ELMO1: variants seen among roughly 807,000 people sequenced by gnomAD.
ELMO1 encodes engulfment and cell motility protein 1.
In ELMO1, 26 loss-of-function variants were observed where a neutral mutation model predicts 98.9. The ratio of observed to expected loss-of-function variants is 0.26; its 90% confidence interval spans 0.19 to 0.36. ELMO1 has a LOEUF of 0.36. Ranked by LOEUF, ELMO1 falls within the 10% of genes least tolerant of loss-of-function variation. The pLI is 1.00. For synonymous variants in ELMO1, 346 were observed against 346.0 expected (o/e 1.00, Z 0.00); for missense variants, 627 against 935.2 (o/e 0.67, Z 4.30).
intron 16 of ELMO1, among the ~76,000 whole-genome samples, chr7:37,006,574 G>C (rs1165971643): frequency 6.6e-6 from 1 of 152,178 alleles, no homozygotes; most frequent in Non-Finnish European, 1.5e-5. Context: ...ATCATCCTTA[G>C]GGAGGGCACA....
intron 16 of ELMO1, chr7:36,997,856 A>G (rs12531307): frequency 0.011 from 1,612 of 152,564 alleles, 42 homozygotes; most frequent in East Asian, 0.07. Flanking sequence ...ACACAAGTCA[A>G]TGCCTCAGAG....
intron 13 of ELMO1, among the ~76,000 whole-genome samples, chr7:37,189,040 C>T (rs1039982046): frequency 6.6e-6 from 1 of 152,142 alleles, no homozygotes; most frequent in African/African-American, 2.4e-5. Flanking sequence ...AGTGATTAAG[C>T]TGTAGGTGTA....
intron 16 of ELMO1, among the ~76,000 whole-genome samples, chr7:37,005,356 AC>A (rs1793001582): frequency 1.3e-5 from 2 of 151,660 alleles, no homozygotes; most frequent in African/African-American, 4.9e-5. Context: ...GCTGCCATGG[AC>A]CCCATGCAGC....
chr7:37,136,748 CA>C (rs60360241), intron 13 of ELMO1, among the ~76,000 whole-genome samples: 22,519 of 140,666 alleles, frequency 0.16, 2,669 homozygotes, highest in African/African-American at 0.35. Flanking sequence ...AACAAATCCT[CA>C]AAAAAAAAAA....
chr7:37,105,832 T>C (rs1309976672), intron 14 of ELMO1, among the ~76,000 whole-genome samples: 1 of 152,174 alleles, frequency 6.6e-6, no homozygotes, highest in South Asian at 2.1e-4. Context: ...TCAAAATCCA[T>C]AGAGAGAGAA....
intron 14 of ELMO1, among the ~76,000 whole-genome samples, chr7:37,128,136 T>C (rs1786658434): frequency 6.6e-6 from 1 of 152,144 alleles, no homozygotes; most frequent in Non-Finnish European, 1.5e-5. Flanking sequence ...GAGACTGTGG[T>C]GAGCTGAAAA....
At chr7:37,293,766 CAAAAAAAAA>C (rs56775177) in intron 4 of ELMO1, among the ~76,000 whole-genome samples, 24 of 100,884 alleles carry the variant, frequency 2.4e-4, no homozygotes, top group Non-Finnish European at 4.1e-4. Context: ...ACTCTATATC[CAAAAAAAAA>C]AAAAAAAAAG....
In ELMO1 at chr7:37,222,673, G is replaced by A; in HGVS notation, c.722C>T (p.Thr241Ile). Residue 241 changes from threonine (T) to isoleucine (I), a missense_variant, in exon 10 of 22, where the codon ACC (threonine) becomes ATC (isoleucine). By Grantham distance (89) the Thr-to-Ile change is moderately conservative. This residue lies in a region of ELMO1 where 492 missense variants were observed against 715.6 expected (regional missense o/e 0.69). Transcript: ENST00000310758. ...CGCATTAATCACTGCAATAGTATAG[G>A]TTTGGATTTCTTGATCTGACCTGTA... ...HLQGSDQEIQ[T>I]YTIAVINALF... The A allele has an allele frequency of 6.2e-7, 1 of 1,613,922 alleles. No individual in the cohort carries two copies. Among genetic ancestry groups the A allele is most frequent in the Non-Finnish European group, 8.5e-7 (1 of 1,179,876 alleles).
intron 15 of ELMO1, among the ~76,000 whole-genome samples, chr7:37,042,878 A>G (rs1795600222): frequency 6.6e-6 from 1 of 152,196 alleles, no homozygotes. Context: ...ACTCTGGAAT[A>G]TCACTTGGAT....
rs1227941303 is a variant in ELMO1, at chr7:37,395,951, C to T, written c.-74+52724G>A. Among the ~76,000 whole-genome samples the T allele has an allele frequency of 2.0e-5, 3 of 151,348 alleles. 1 individual carries two copies. In the East Asian group the frequency reaches 5.8e-4, roughly 29 times the overall value. The stretch of plus-strand genomic sequence containing the variant: ...CATAGTTTTTTGTAGGCAGTCTCAG[C>T]TTTTTCGCCTTTACTTATTTCTTCC... On this transcript the variant is annotated intron_variant, in intron 1 of 21. Transcript: ENST00000310758.
chr7:37,068,901 G>T (rs1244006627), intron 15 of ELMO1, among the ~76,000 whole-genome samples: 1 of 149,384 alleles, frequency 6.7e-6, no homozygotes, highest in Non-Finnish European at 1.5e-5. Context: ...AAATATAAAG[G>T]TGGCTAATAC....
At chr7:36,882,565 C>G (rs796495009) in intron 18 of ELMO1, among the ~76,000 whole-genome samples, 38 of 152,298 alleles carry the variant, frequency 2.5e-4, no homozygotes, top group African/African-American at 8.7e-4. Context: ...CAAATGACAC[C>G]GGAGTCCCTA....
chr7:37,334,973 A>T (rs957372782), intron 2 of ELMO1, among the ~76,000 whole-genome samples: 6 of 152,228 alleles, frequency 3.9e-5, no homozygotes, highest in African/African-American at 1.4e-4. Context: ...TTCACTGTTC[A>T]GAATTGAAAC....
In ELMO1 at chr7:37,421,386, A is replaced by G. The variant is rs192735088; in HGVS notation, c.-74+27289T>C. On this transcript the variant is annotated intron_variant, in intron 1 of 21. Transcript: ENST00000310758. ...AGTGCTCACCCATTTTGCAATGATCAGCCAGAAGGGCTCAAAATTGCTTGC... is the reference window on the plus strand; with the variant it reads ...AGTGCTCACCCATTTTGCAATGATCGGCCAGAAGGGCTCAAAATTGCTTGC... 3.1e-3 allele frequency among the ~76,000 whole-genome samples: 473 copies of G among 152,374 alleles called. 3 individuals carry two copies. The highest frequency in any genetic ancestry group is 0.011 in the African/African-American group (450 of 41,582).
At chr7:36,958,639 T>C (rs189958712) in intron 16 of ELMO1, among the ~76,000 whole-genome samples, 19 of 152,322 alleles carry the variant, frequency 1.2e-4, no homozygotes, top group East Asian at 3.9e-4. Flanking sequence ...CATTTTACAA[T>C]AGAACTTGAA....
intron 13 of ELMO1, among the ~76,000 whole-genome samples, chr7:37,156,511 T>A (rs1788777568): frequency 6.6e-6 from 1 of 152,098 alleles, no homozygotes; most frequent in Non-Finnish European, 1.5e-5. Context: ...CTCACAGAAA[T>A]ACAAACTACC....
chr7:37,179,506 T>C (rs2129962860), intron 13 of ELMO1, among the ~76,000 whole-genome samples: 1 of 152,282 alleles, frequency 6.6e-6, no homozygotes, highest in Admixed American at 6.5e-5. Flanking sequence ...CTCGACCTCC[T>C]GACCTTGTGA....
chr7:37,248,099 T>C (rs1197052790), intron 6 of ELMO1, among the ~76,000 whole-genome samples: 1 of 151,694 alleles, frequency 6.6e-6, no homozygotes, highest in Non-Finnish European at 1.5e-5. Context: ...TTCTTACTCC[T>C]CAAATTTGCA....
At chr7:37,017,679 CAGTT>C (rs1051653497) in intron 15 of ELMO1, among the ~76,000 whole-genome samples, 8 of 152,138 alleles carry the variant, frequency 5.3e-5, no homozygotes, top group African/African-American at 1.9e-4. Flanking sequence ...ATACCCTAGA[CAGTT>C]AGTAGGAGCT....
Sources: gnomAD v4.1 joint callset for allele counts (sites outside exome capture counted in the v4.1 genomes callset) on GRCh38, gnomAD v4.1.1 for gene constraint, gnomAD v4.1.1 regional missense constraint, MANE v1.5 for transcripts, NCBI Gene and HGNC (gene_info 2026-07-23, HGNC 2026-07-21) for gene names.